The following GALNT13 variants were observed in gnomAD, a reference collection of about 807,000 sequenced individuals.
GALNT13 encodes the protein UDP-GalNAc:polypeptide N-acetylgalactosaminyltransferase 13.
GALNT13 carries 28 observed loss-of-function variants against 64.2 expected under a neutral mutation model. The ratio of observed to expected loss-of-function variants is 0.44; its 90% CI spans 0.32 to 0.60. The LOEUF (loss-of-function observed/expected upper bound fraction) is 0.60, where lower values mean the gene tolerates loss of function less well. GALNT13 is among the 20% of genes least tolerant of loss of function. GALNT13 has a pLI of 0.05. For missense variants in GALNT13, 577 were observed against 669.8 expected (o/e 0.86, Z 1.53); for synonymous variants, 214 against 224.6 (o/e 0.95, Z 0.42).
the GALNT13 span, among the ~76,000 whole-genome samples, chr2:153,519,539 T>C: frequency 1.3e-5 from 2 of 152,188 alleles, no homozygotes; most frequent in East Asian, 1.9e-4. Flanking sequence ...TGCCCTTTCA[T>C]GGGCTTTTTG....
At chr2:154,223,448 CTTTT>C (rs61230257) in intron 4 of GALNT13, among the ~76,000 whole-genome samples, 9,812 of 124,096 alleles carry the variant, frequency 0.079, 903 homozygotes, top group African/African-American at 0.28. Context: ...TTTTCTTTTT[CTTTT>C]TTTTTTTTTT....
chr2:154,207,917 G>T (rs966878838), intron 4 of GALNT13, among the ~76,000 whole-genome samples: 2 of 152,150 alleles, frequency 1.3e-5, no homozygotes, highest in African/African-American at 4.8e-5. Context: ...GGCAACATAT[G>T]TGGCTTTGGA....
intron 8 of GALNT13, among the ~76,000 whole-genome samples, chr2:154,274,714 A>G (rs1288731068): frequency 6.6e-6 from 1 of 152,148 alleles, no homozygotes; most frequent in African/African-American, 2.4e-5. Flanking sequence ...AGTCTTGGGT[A>G]TGTCTTTATT....
chr2:153,774,263 A>G, the GALNT13 span, among the ~76,000 whole-genome samples: 23 of 152,176 alleles, frequency 1.5e-4, no homozygotes, highest in Non-Finnish European at 2.9e-4. Flanking sequence ...GTAAATGCTT[A>G]GTAAATATTG....
the GALNT13 span, among the ~76,000 whole-genome samples, chr2:153,340,987 A>G: frequency 6.6e-6 from 1 of 152,282 alleles, no homozygotes; most frequent in South Asian, 2.1e-4. Context: ...CTGAATCGTA[A>G]GCTCTGAGGT....
the GALNT13 span, among the ~76,000 whole-genome samples, chr2:153,238,048 C>T: frequency 1.3e-5 from 2 of 151,928 alleles, no homozygotes; most frequent in Non-Finnish European, 2.9e-5. Context: ...GAGATGATGT[C>T]TCATTGTAGT....
chr2:153,668,984 G>A, the GALNT13 span, among the ~76,000 whole-genome samples: 29 of 152,214 alleles, frequency 1.9e-4, no homozygotes, highest in African/African-American at 7.0e-4. Flanking sequence ...ATGTGAGATG[G>A]GCCCTGTCTG....
rs1373528192 is a variant in GALNT13, at chr2:153,995,586, T to C, written c.142+50947T>C. Among the ~76,000 whole-genome samples, 3 of 152,262 alleles carry C rather than the reference T, an allele frequency of 2.0e-5. No homozygotes were observed. In the East Asian group the frequency reaches 5.8e-4, roughly 29 times the overall value. On this transcript the variant is annotated intron_variant, in intron 3 of 12. Transcript: ENST00000392825. ...GGGTACAGTGTGTTGTTTCAATACA[T>C]GTATACATTGCATGATGATCAAATC...
intron 9 of GALNT13, among the ~76,000 whole-genome samples, chr2:154,383,755 T>G (rs186506857): frequency 3.4e-4 from 52 of 152,050 alleles, no homozygotes; most frequent in Non-Finnish European, 6.0e-4. Context: ...TTTCATAAAC[T>G]TATTGCTATC....
the GALNT13 span, among the ~76,000 whole-genome samples, chr2:153,473,985 T>A: frequency 6.6e-6 from 1 of 152,118 alleles, no homozygotes; most frequent in Non-Finnish European, 1.5e-5. Flanking sequence ...ACCTGGAAAT[T>A]TAAGGTGCTG....
the GALNT13 span, among the ~76,000 whole-genome samples, chr2:153,102,091 C>T: frequency 6.6e-6 from 1 of 152,098 alleles, no homozygotes; most frequent in Non-Finnish European, 1.5e-5. Flanking sequence ...CTCTTTCCCT[C>T]TTTTGGGGTC....
In GALNT13 at chr2:154,265,987, G is replaced by A. The variant is rs80059935; in HGVS notation, c.975+6849G>A. ...CAAAAATCCATCAAGGTAATTCACC[G>A]TATCAAGAAACTAAAAAAAATTGAT... On this transcript the variant is annotated intron_variant, in intron 8 of 12. Transcript: ENST00000392825. Among the ~76,000 whole-genome samples, 633 of 152,156 alleles carry A rather than the reference G, an allele frequency of 4.2e-3. 7 individuals are homozygous for A. The highest frequency in any genetic ancestry group is 0.014 in the African/African-American group (590 of 41,522).
chr2:153,155,586 A>G, the GALNT13 span, among the ~76,000 whole-genome samples: 3 of 151,952 alleles, frequency 2.0e-5, no homozygotes, highest in African/African-American at 7.2e-5. Flanking sequence ...TGTCATTTCT[A>G]ATTCTGTTTA....
At chr2:154,174,369 A>G (rs1685533341) in intron 4 of GALNT13, among the ~76,000 whole-genome samples, 1 of 152,142 alleles carries the variant, frequency 6.6e-6, no homozygotes, top group Non-Finnish European at 1.5e-5. Flanking sequence ...ACCACACAAA[A>G]GGCAGACACT....
intron 9 of GALNT13, among the ~76,000 whole-genome samples, chr2:154,314,172 C>G (rs1694206083): frequency 6.6e-6 from 1 of 152,146 alleles, no homozygotes. Flanking sequence ...ATCTTTCAAC[C>G]TACTCTTCAG....
At chr2:153,721,539 C>T in the GALNT13 span, among the ~76,000 whole-genome samples, 7 of 149,536 alleles carry the variant, frequency 4.7e-5, no homozygotes, top group Non-Finnish European at 8.8e-5. Flanking sequence ...AGTCAAGACC[C>T]ATCAGTGTGC....
chr2:154,444,224 T>A (rs12693996), intron 12 of GALNT13, among the ~76,000 whole-genome samples: 31,161 of 151,988 alleles, frequency 0.21, 3,508 homozygotes, highest in East Asian at 0.54. Flanking sequence ...AAAACAGATA[T>A]AACTAAGGGT....
At chr2:153,477,629 A>G in the GALNT13 span, 1 of 141,436 alleles carries the variant, frequency 7.1e-6, no homozygotes, top group South Asian at 2.4e-4. Flanking sequence ...AGGCAGGCAA[A>G]CAGGCCACTG....
At chr2:153,114,434 G>T in the GALNT13 span, among the ~76,000 whole-genome samples, 1 of 152,250 alleles carries the variant, frequency 6.6e-6, no homozygotes, top group African/African-American at 2.4e-5. Flanking sequence ...TGATGAAAAG[G>T]TTGAAGAGTT....
Sources: gnomAD v4.1 joint callset for allele counts (sites outside exome capture counted in the v4.1 genomes callset) on GRCh38, gnomAD v4.1.1 for gene constraint, MANE v1.5 for transcripts, NCBI Gene and HGNC (gene_info 2026-07-23, HGNC 2026-07-21) for gene names.